Variants in NRXN1 observed in about 807,000 individuals in gnomAD.
NRXN1 encodes neurexin 1.
NRXN1 carries 39 observed loss-of-function variants against 150.9 expected under a neutral mutation model. That is an observed-to-expected ratio of 0.26 (90% CI 0.20 to 0.34). The LOEUF (loss-of-function observed/expected upper bound fraction) is 0.34, where lower values mean the gene tolerates loss of function less well. Ranked by LOEUF, NRXN1 falls within the 10% of genes least tolerant of loss-of-function variation. The probability of loss-of-function intolerance (pLI) is 1.00; values close to 1 mark genes in which losing one functional copy is unlikely to be tolerated. For synonymous variants in NRXN1, 924 were observed against 757.0 expected (o/e 1.22, Z -3.62); for missense variants, 1,815 against 1,949.9 (o/e 0.93, Z 1.30).
rs562958325 is a variant in NRXN1 at position 50,708,280 on chromosome 2, A to G, written c.833-84665T>C. On this transcript the variant is annotated intron_variant, in intron 5 of 22. Transcript: ENST00000401669. ...AGCAAGTACTAGTGGTTCATGAACT[A>G]TTTTCAATACTTATAAAATTATCAT... Among the ~76,000 whole-genome samples the G allele has an allele frequency of 1.2e-4, 18 of 152,292 alleles. No individual in the cohort carries two copies. The South Asian group carries it at 3.7e-3, about 32-fold the overall frequency.
At chr2:50,483,509 T>C (rs2090634493) in intron 15 of NRXN1, among the ~76,000 whole-genome samples, 1 of 152,180 alleles carries the variant, frequency 6.6e-6, no homozygotes, top group African/African-American at 2.4e-5. Context: ...GGGTTCCGGT[T>C]CAGGGCCCCT....
At chr2:50,271,630 A>G (rs1053075955) in intron 17 of NRXN1, among the ~76,000 whole-genome samples, 1 of 152,208 alleles carries the variant, frequency 6.6e-6, no homozygotes, top group African/African-American at 2.4e-5. Context: ...TCTTGCAAAA[A>G]TGTAACTCAA....
intron 17 of NRXN1, among the ~76,000 whole-genome samples, chr2:50,252,253 C>CT (rs2067187876): frequency 5.3e-4 from 31 of 58,836 alleles, no homozygotes; most frequent in East Asian, 1.5e-3. Context: ...TTTCTTTTTT[C>CT]TTTTCTTTTT....
rs181701551 is a variant in NRXN1, at chr2:50,717,123, G to A, written c.833-93508C>T. 1.5e-3 allele frequency among the ~76,000 whole-genome samples: 230 copies of A among 152,148 alleles called. 1 individual carries two copies. Among genetic ancestry groups the A allele is most frequent in the Non-Finnish European group, 2.8e-3 (189 of 67,996 alleles). On this transcript the variant is annotated intron_variant, in intron 5 of 22. Coordinates refer to ENST00000401669, the MANE Select transcript of NRXN1 (RefSeq NM_001330078.2). ...GCTATTTATTTAATTTGATTTCTTT[G>A]TATCCTCTGGTGTCTAGTACAGTAA...
intron 2 of NRXN1, among the ~76,000 whole-genome samples, chr2:51,003,219 A>C (rs2105110147): frequency 6.6e-6 from 1 of 152,050 alleles, no homozygotes; most frequent in South Asian, 2.1e-4. Context: ...TTATCAAAGT[A>C]AAATTATTGT....
intron 21 of NRXN1, among the ~76,000 whole-genome samples, chr2:49,988,842 AAATT>A (rs1326120074): frequency 6.6e-5 from 10 of 152,220 alleles, no homozygotes; most frequent in East Asian, 1.9e-4. Context: ...TAAGAAATCT[AAATT>A]AAGTAAATTG....
rs556728890 is a variant in NRXN1, at chr2:50,771,699, G to T, written c.833-148084C>A. ...GGAAGTCTGAGGCATTTTCCGTGAA[G>T]GAAGTATTTAAAAGGATGCTACGAG... On this transcript the variant is annotated intron_variant, in intron 5 of 22. Transcript: ENST00000401669. Among the ~76,000 whole-genome samples the T allele has an allele frequency of 3.9e-5, 6 of 152,232 alleles. No individual in the cohort carries two copies. The East Asian group carries it at 1.2e-3, about 30-fold the overall frequency.
At chr2:50,085,545 T>C (rs1410280065) in intron 19 of NRXN1, among the ~76,000 whole-genome samples, 1 of 152,154 alleles carries the variant, frequency 6.6e-6, no homozygotes, top group Non-Finnish European at 1.5e-5. Flanking sequence ...TAATGGTCCA[T>C]AATAATTTAC....
At chr2:50,103,023 C>G (rs1186745802) in intron 18 of NRXN1, among the ~76,000 whole-genome samples, 2 of 152,008 alleles carry the variant, frequency 1.3e-5, no homozygotes, top group Admixed American at 1.3e-4. Context: ...AATCAGAGAA[C>G]AGAAAATTGT....
chr2:50,126,028 C>T (rs762222768), intron 18 of NRXN1, among the ~76,000 whole-genome samples: 2 of 151,906 alleles, frequency 1.3e-5, no homozygotes, highest in Non-Finnish European at 2.9e-5. Context: ...AGGAACAGAA[C>T]GAAGCAGAAC....
chr2:50,134,871 T>C (rs1247424726), intron 18 of NRXN1, among the ~76,000 whole-genome samples: 2 of 152,198 alleles, frequency 1.3e-5, no homozygotes, highest in African/African-American at 2.4e-5. Flanking sequence ...ACGGCTGATA[T>C]ATACCTGGCA....
At chr2:50,263,185 CACACACACAT>C (rs2068485635) in intron 17 of NRXN1, among the ~76,000 whole-genome samples, 1 of 149,612 alleles carries the variant, frequency 6.7e-6, no homozygotes, top group African/African-American at 2.5e-5. Flanking sequence ...CACACACACA[CACACACACAT>C]ACACAAACAG....
At position 50,098,864 on chromosome 2, in the gene NRXN1, T is replaced by G. The variant is rs1046327673; in HGVS notation, c.3547-7370A>C. ...TTTTTTTTTTTTTTTTTTTTTTTTT[T>G]TTTTTTTTTTTTTTTTTTGGCTAGT... On this transcript the variant is annotated intron_variant, in intron 18 of 22. Coordinates refer to ENST00000401669, the MANE Select transcript of NRXN1 (RefSeq NM_001330078.2). Among the ~76,000 whole-genome samples, 182 of 22,446 alleles carry G rather than the reference T, an allele frequency of 8.1e-3. 5 individuals are homozygous for G. Among genetic ancestry groups the G allele is most frequent in the South Asian group, 0.024 (19 of 782 alleles). 14.7% of individuals were successfully genotyped at this position (22,446 alleles called of 152,430 possible). A position where few individuals can be genotyped will look rare whatever the true frequency, so the allele number is the denominator to read the frequency against.
chr2:50,719,906 T>C (rs17501747), intron 5 of NRXN1, among the ~76,000 whole-genome samples: 17,477 of 152,208 alleles, frequency 0.11, 1,257 homozygotes, highest in Non-Finnish European at 0.15. Context: ...CTCTCTGTCA[T>C]CCCAAATACA....
intron 2 of NRXN1, among the ~76,000 whole-genome samples, chr2:50,977,472 A>G (rs2104843838): frequency 6.6e-6 from 1 of 152,066 alleles, no homozygotes; most frequent in African/African-American, 2.4e-5. Flanking sequence ...ACATATACCA[A>G]GACCACATAT....
At chr2:50,496,213 G>T in intron 14 of NRXN1, 118 bp from the exon 15 acceptor site, 4 of 673,668 alleles carry the variant, frequency 5.9e-6, no homozygotes, top group Non-Finnish European at 9.9e-6. Flanking sequence ...TAGAAGTCAT[G>T]ACAATAAGTT....
chr2:50,460,393 T>C (rs2088047301), intron 17 of NRXN1, among the ~76,000 whole-genome samples: 1 of 152,112 alleles, frequency 6.6e-6, no homozygotes, highest in Admixed American at 6.6e-5. Context: ...AGTTGAATCA[T>C]CAAGCTGCTC....
chr2:49,961,613 T>C (rs1488243334), intron 21 of NRXN1, among the ~76,000 whole-genome samples: 1 of 152,168 alleles, frequency 6.6e-6, no homozygotes, highest in Admixed American at 6.5e-5. Context: ...AAAAATAGAT[T>C]AGGCCTTTTG....
chr2:50,375,915 C>T (rs10173372), intron 17 of NRXN1, among the ~76,000 whole-genome samples: 85,706 of 151,598 alleles, frequency 0.57, 26,474 homozygotes, highest in East Asian at 0.92. Context: ...AACCCCTTCA[C>T]AGATAATAAT....
Sources: gnomAD v4.1 joint callset for allele counts (sites outside exome capture counted in the v4.1 genomes callset) on GRCh38, gnomAD v4.1.1 for gene constraint, MANE v1.5 for transcripts, NCBI Gene and HGNC (gene_info 2026-07-23, HGNC 2026-07-21) for gene names.